Variants in PDE7B observed in about 807,000 individuals in gnomAD.
The protein encoded by PDE7B is phosphodiesterase 7B, also known as 3',5'-cyclic-AMP phosphodiesterase 7B.
PDE7B carries 29 observed loss-of-function variants against 56.2 expected under a neutral mutation model. That is an observed-to-expected ratio of 0.52 (90% CI 0.38 to 0.70). The LOEUF is 0.70. PDE7B is among the 30% of genes least tolerant of loss of function. PDE7B has a pLI of 0.00. For synonymous variants in PDE7B, 197 were observed against 196.9 expected (o/e 1.00, Z 0.00); for missense variants, 490 against 565.0 (o/e 0.87, Z 1.35).
chr6:135,891,151 CAG>C (rs1177801181), intron 1 of PDE7B, among the ~76,000 whole-genome samples: 2 of 152,198 alleles, frequency 1.3e-5, no homozygotes, highest in Non-Finnish European at 2.9e-5. Context: ...AGCCAAAGAG[CAG>C]AGACATACTT....
intron 2 of PDE7B, among the ~76,000 whole-genome samples, chr6:135,997,390 G>A (rs1298365333): frequency 1.0e-5 from 1 of 99,884 alleles, no homozygotes; most frequent in South Asian, 3.7e-4. Context: ...CTCCAGCCTA[G>A]CTGACAGAAT....
intron 2 of PDE7B, among the ~76,000 whole-genome samples, chr6:136,084,655 CTTATTA>C (rs1041650022): frequency 3.3e-5 from 5 of 152,124 alleles, no homozygotes; most frequent in African/African-American, 1.2e-4. Flanking sequence ...GTATAGTGTT[CTTATTA>C]TAAGTATTAG....
At chr6:135,994,248 A>T (rs1176461752) in intron 2 of PDE7B, among the ~76,000 whole-genome samples, 1 of 151,928 alleles carries the variant, frequency 6.6e-6, no homozygotes, top group African/African-American at 2.4e-5. Context: ...AATTCCATTG[A>T]GGAAACACTT....
At chr6:136,105,561 T>G (rs915827088) in intron 2 of PDE7B, among the ~76,000 whole-genome samples, 2 of 152,238 alleles carry the variant, frequency 1.3e-5, no homozygotes, top group African/African-American at 4.8e-5. Flanking sequence ...CTCAGCACAG[T>G]ATAAGTATTC....
chr6:135,852,856 A>G (rs1237659612), intron 1 of PDE7B, among the ~76,000 whole-genome samples: 3 of 152,212 alleles, frequency 2.0e-5, no homozygotes, highest in Non-Finnish European at 4.4e-5. Context: ...CATGTGCTCT[A>G]GCCAGAGTGA....
intron 2 of PDE7B, among the ~76,000 whole-genome samples, chr6:135,964,572 A>G (rs945490667): frequency 6.6e-6 from 1 of 152,222 alleles, no homozygotes; most frequent in Non-Finnish European, 1.5e-5. Flanking sequence ...AAGTAATGAT[A>G]AGGAAAAAGT....
intron 1 of PDE7B, among the ~76,000 whole-genome samples, chr6:135,857,022 T>TTTCCCCCC (rs1775043081): frequency 8.7e-6 from 1 of 114,866 alleles, no homozygotes; most frequent in African/African-American, 3.7e-5. Context: ...TCTTACTCCT[T>TTTCCCCCC]TTCCTCCCTC....
Position 136,074,246 on chromosome 6 carries a change from C to CG in PDE7B, c.83-34478dup, listed in dbSNP as rs1186397936. Among the ~76,000 whole-genome samples, 358 of 147,456 alleles carry CG rather than the reference C, an allele frequency of 2.4e-3. 2 individuals carry two copies. The highest frequency in any genetic ancestry group is 7.9e-3 in the African/African-American group (319 of 40,196). The stretch of plus-strand genomic sequence containing the variant: ...ACCTTGTCTCAAAAAAAAAAAAAGG[C>CG]GGGGGGGATTTGGGGTTTTTTTGTT... On this transcript the variant is annotated intron_variant, in intron 2 of 12. Transcript: ENST00000308191.
intron 1 of PDE7B, among the ~76,000 whole-genome samples, chr6:135,892,161 G>A (rs1368321143): frequency 6.6e-6 from 1 of 152,078 alleles, no homozygotes; most frequent in Non-Finnish European, 1.5e-5. Context: ...GCTTTTGAGT[G>A]GTATTTGTAG....
chr6:135,912,598 C>A (rs979253643), intron 1 of PDE7B, among the ~76,000 whole-genome samples: 8 of 151,926 alleles, frequency 5.3e-5, no homozygotes, highest in African/African-American at 1.5e-4. Flanking sequence ...ACTGAGAGAA[C>A]AAGCAGGAGA....
At chr6:136,157,079 T>C (rs1329077138) in intron 8 of PDE7B, among the ~76,000 whole-genome samples, 1 of 152,184 alleles carries the variant, frequency 6.6e-6, no homozygotes, top group African/African-American at 2.4e-5. Flanking sequence ...GAAGAATTGA[T>C]ACTTGGGAAA....
Position 135,857,024 on chromosome 6 carries a change from T to TCCTCCCTTCCTC in PDE7B, c.21+5012_21+5013insTCCTCCCTCCCT, listed in dbSNP as rs1554262315. Among the ~76,000 whole-genome samples the TCCTCCCTTCCTC allele has an allele frequency of 1.3e-3, 166 of 127,592 alleles. 1 individual carries two copies. The highest frequency in any genetic ancestry group is 5.1e-3 in the African/African-American group (150 of 29,518). The allele number at this position is 127,592 out of a possible 152,430, so 83.7% of individuals were successfully genotyped here. Reference sequence around the variant, plus strand: ...TTTCCTTCTGCCCTCTTACTCCTTTTCCTCCCTCCCTCCCTCCCTCCCTCC... The same window carrying TCCTCCCTTCCTC: ...TTTCCTTCTGCCCTCTTACTCCTTTTCCTCCCTTCCTCCCTCCCTCCCTCCCTCCCTCCCTCC... On this transcript the variant is annotated intron_variant, in intron 1 of 12. Transcript: ENST00000308191.
Position 136,037,866 on chromosome 6 carries a change from A to G in PDE7B, c.83-70865A>G, listed in dbSNP as rs988486262. 8 of 985,240 alleles carry G rather than the reference A, an allele frequency of 8.1e-6. 1 individual carries two copies. The highest frequency in any genetic ancestry group is 1.0e-3 in the Middle Eastern group (2 of 1,936). The allele number at this position is 985,240 out of a possible 1,614,324, so 61.0% of individuals were successfully genotyped here. On this transcript the variant is annotated intron_variant, in intron 2 of 12. Coordinates refer to ENST00000308191, the MANE Select transcript of PDE7B (RefSeq NM_018945.4). Reference sequence around the variant, plus strand: ...AATCAGAAGAAAGAAGAGGAAAAGCAAATGCTAGAACCTCGATGGCTTTTT... The same window carrying G: ...AATCAGAAGAAAGAAGAGGAAAAGCGAATGCTAGAACCTCGATGGCTTTTT...
At chr6:136,182,768 TAACC>T (rs1779086532) in intron 11 of PDE7B, among the ~76,000 whole-genome samples, 1 of 152,134 alleles carries the variant, frequency 6.6e-6, no homozygotes, top group African/African-American at 2.4e-5. Context: ...CCAAGAAATG[TAACC>T]TATAAGATCT....
chr6:136,052,377 G>A (rs1020615830), intron 2 of PDE7B, among the ~76,000 whole-genome samples: 3 of 152,340 alleles, frequency 2.0e-5, no homozygotes, highest in Non-Finnish European at 2.9e-5. Flanking sequence ...AGTTTTTGAT[G>A]AGGACTGTCA....
intron 1 of PDE7B, among the ~76,000 whole-genome samples, chr6:135,924,617 C>CTTTTTTTTTT (rs3037775): frequency 4.0e-5 from 2 of 49,580 alleles, no homozygotes; most frequent in African/African-American, 2.0e-4. Flanking sequence ...CTCTCTCTCT[C>CTTTTTTTTTT]TTTTTTTTTT....
chr6:136,113,969 C>T (rs922415169), intron 3 of PDE7B, among the ~76,000 whole-genome samples: 1 of 152,152 alleles, frequency 6.6e-6, no homozygotes, highest in African/African-American at 2.4e-5. Flanking sequence ...AAGTGACATA[C>T]AAAGAAAACG....
intron 2 of PDE7B, among the ~76,000 whole-genome samples, chr6:136,009,068 C>T (rs1372491373): frequency 4.6e-5 from 7 of 151,414 alleles, no homozygotes; most frequent in Non-Finnish European, 2.9e-5. Flanking sequence ...GCCAGTTTTC[C>T]CAGCACCATT....
chr6:135,912,643 A>T (rs914736261), intron 1 of PDE7B, among the ~76,000 whole-genome samples: 1 of 152,202 alleles, frequency 6.6e-6, no homozygotes, highest in African/African-American at 2.4e-5. Flanking sequence ...AGTGAAGGAC[A>T]TTCCAGAAAA....
Sources: gnomAD v4.1 joint callset for allele counts (sites outside exome capture counted in the v4.1 genomes callset) on GRCh38, gnomAD v4.1.1 for gene constraint, MANE v1.5 for transcripts, NCBI Gene and HGNC (gene_info 2026-07-23, HGNC 2026-07-21) for gene names.